SGMS1: variants seen among roughly 807,000 people sequenced by gnomAD.
SGMS1 encodes the protein phosphatidylcholine:ceramide cholinephosphotransferase 1.
In SGMS1, 13 loss-of-function variants were observed where a neutral mutation model predicts 46.2. That is an observed-to-expected ratio of 0.28 (90% CI 0.18 to 0.45). The LOEUF is 0.45. SGMS1 is among the 20% of genes least tolerant of loss of function. The pLI is 1.00. For synonymous variants in SGMS1, 203 were observed against 187.8 expected (o/e 1.08, Z -0.66); for missense variants, 324 against 519.9 (o/e 0.62, Z 3.66).
At chr10:50,319,827 C>T (rs1847411154) in intron 8 of SGMS1, among the ~76,000 whole-genome samples, 1 of 152,180 alleles carries the variant, frequency 6.6e-6, no homozygotes, top group African/African-American at 2.4e-5. Context: ...CCACTAAATA[C>T]ATACCTTTGC....
intron 2 of SGMS1, among the ~76,000 whole-genome samples, chr10:50,546,995 T>TCCATCC (rs977357695): frequency 1.3e-5 from 2 of 152,172 alleles, no homozygotes; most frequent in African/African-American, 4.8e-5. Flanking sequence ...AAATGCTGTT[T>TCCATCC]CCATCCCAAA....
chr10:50,570,244 T>C (rs1838325681), intron 2 of SGMS1, among the ~76,000 whole-genome samples: 1 of 152,156 alleles, frequency 6.6e-6, no homozygotes, highest in African/African-American at 2.4e-5. Flanking sequence ...AACGTCTTGG[T>C]CTCTCAATAC....
intron 8 of SGMS1, among the ~76,000 whole-genome samples, chr10:50,316,964 G>T (rs900965209): frequency 6.6e-6 from 1 of 152,154 alleles, no homozygotes; most frequent in Non-Finnish European, 1.5e-5. Context: ...GAACTAGTGA[G>T]CTTTTGGCTA....
chr10:50,623,856 G>A lies in SGMS1; in HGVS notation c.-833C>T. The A allele has an allele frequency of 1.0e-6, 1 of 985,834 alleles. No individual in the cohort carries two copies. The highest frequency in any genetic ancestry group is 1.7e-5 in the African/African-American group (1 of 57,312). The allele number at this position is 985,834 out of a possible 1,614,324, so 61.1% of individuals were successfully genotyped here. On this transcript the variant is annotated 5_prime_UTR_variant, in exon 1 of 11. Coordinates refer to ENST00000361781, the MANE Select transcript of SGMS1 (RefSeq NM_147156.4). ...CGCGAGGGGAGAGCAGTCAGCCCAGGCCGGTCCTTCTCACTCCCGACCTGC... is the reference window on the plus strand; with the variant it reads ...CGCGAGGGGAGAGCAGTCAGCCCAGACCGGTCCTTCTCACTCCCGACCTGC...
At chr10:50,499,227 A>G (rs1837640941) in intron 3 of SGMS1, among the ~76,000 whole-genome samples, 1 of 152,208 alleles carries the variant, frequency 6.6e-6, no homozygotes, top group Non-Finnish European at 1.5e-5. Context: ...TGAAACAGCT[A>G]CTTCTGAAGC....
intron 4 of SGMS1, among the ~76,000 whole-genome samples, 196 bp from the exon 5 acceptor site, chr10:50,461,010 ATTG>A (rs1194559882): frequency 6.6e-6 from 1 of 152,078 alleles, no homozygotes; most frequent in Non-Finnish European, 1.5e-5. Context: ...TAGCTTTTTA[ATTG>A]TTGTATTTTT....
Position 50,390,611 on chromosome 10 carries a change from C to T in SGMS1, c.-232+42865G>A, listed in dbSNP as rs371685123. Among the ~76,000 whole-genome samples, 3 of 151,914 alleles carry T rather than the reference C, an allele frequency of 2.0e-5. No homozygotes were observed. The East Asian group carries it at 5.8e-4, about 29-fold the overall frequency. On this transcript the variant is annotated intron_variant, in intron 6 of 10. Transcript: ENST00000361781. ...TGTGATCGTGCCACTGCACTCCTGC[C>T]TAGGTAATGGAACAAGACCCTGCCT...
chr10:50,504,446 C>T (rs1564419452), intron 3 of SGMS1, among the ~76,000 whole-genome samples: 2 of 152,154 alleles, frequency 1.3e-5, no homozygotes, highest in Admixed American at 6.5e-5. Context: ...TAAATGGTAA[C>T]AATAAATGAA....
At position 50,365,711 on chromosome 10, in the gene SGMS1, G is replaced by T. The variant is rs532900880; in HGVS notation, c.-231-21366C>A. ...TGGTTTTCTGTTCCTGTGTTAGTTT[G>T]CTGAGGACGATTACTTCCAGCTTCA... On this transcript the variant is annotated intron_variant, in intron 6 of 10. Coordinates refer to ENST00000361781, the MANE Select transcript of SGMS1 (RefSeq NM_147156.4). 9.2e-5 allele frequency among the ~76,000 whole-genome samples: 14 copies of T among 152,214 alleles called. No individual in the cohort carries two copies. In the East Asian group the frequency reaches 2.7e-3, roughly 29 times the overall value.
chr10:50,356,434 G>A (rs913768937), intron 6 of SGMS1, among the ~76,000 whole-genome samples: 5 of 152,110 alleles, frequency 3.3e-5, no homozygotes, highest in Middle Eastern at 3.4e-3. Flanking sequence ...GGCGGAAGGC[G>A]GCAGGGCCCT....
intron 2 of SGMS1, among the ~76,000 whole-genome samples, chr10:50,526,789 G>C (rs903886422): frequency 6.6e-6 from 1 of 151,982 alleles, no homozygotes. Context: ...CTGGCTGGCC[G>C]GGCACGGTGG....
intron 1 of SGMS1, among the ~76,000 whole-genome samples, chr10:50,607,614 T>C (rs1355515458): frequency 6.6e-6 from 1 of 152,208 alleles, no homozygotes; most frequent in African/African-American, 2.4e-5. Context: ...CATTTTTCTC[T>C]CAACTGGTTG....
chr10:50,413,753 A>G (rs1849131827), intron 6 of SGMS1, among the ~76,000 whole-genome samples: 1 of 152,244 alleles, frequency 6.6e-6, no homozygotes, highest in Non-Finnish European at 1.5e-5. Flanking sequence ...ACCCAAGATC[A>G]TAACAACTGG....
intron 6 of SGMS1, among the ~76,000 whole-genome samples, chr10:50,360,290 A>G (rs539850192): frequency 6.6e-6 from 1 of 152,222 alleles, no homozygotes; most frequent in African/African-American, 2.4e-5. Context: ...CCAGTCTCAG[A>G]TATTTCCCAT....
chr10:50,566,105 G>T (rs184939535), intron 2 of SGMS1, among the ~76,000 whole-genome samples: 5 of 152,332 alleles, frequency 3.3e-5, no homozygotes, highest in Admixed American at 3.3e-4. Context: ...GTTCTCATTT[G>T]CAACCAAGAA....
intron 3 of SGMS1, among the ~76,000 whole-genome samples, chr10:50,508,632 A>C (rs1039441217): frequency 2.6e-5 from 4 of 152,150 alleles, no homozygotes; most frequent in Admixed American, 1.3e-4. Flanking sequence ...TGTTTGACTC[A>C]CTGTGGCAGG....
intron 6 of SGMS1, among the ~76,000 whole-genome samples, chr10:50,413,693 C>CT (rs1211058375): frequency 6.6e-6 from 1 of 152,190 alleles, no homozygotes; most frequent in Non-Finnish European, 1.5e-5. Context: ...CAAATTTTCC[C>CT]TGGGGGTTTA....
At chr10:50,591,906 A>T (rs1045194987) in intron 1 of SGMS1, among the ~76,000 whole-genome samples, 8 of 152,248 alleles carry the variant, frequency 5.3e-5, no homozygotes, top group African/African-American at 1.9e-4. Context: ...GAGAGTTAGC[A>T]GTATCAATGA....
intron 1 of SGMS1, among the ~76,000 whole-genome samples, chr10:50,593,666 G>A (rs1362984381): frequency 6.6e-6 from 1 of 152,008 alleles, no homozygotes; most frequent in African/African-American, 2.4e-5. Flanking sequence ...CTATCAATAT[G>A]TTGTTGTGAT....
Sources: gnomAD v4.1 joint callset for allele counts (sites outside exome capture counted in the v4.1 genomes callset) on GRCh38, gnomAD v4.1.1 for gene constraint, MANE v1.5 for transcripts, NCBI Gene and HGNC (gene_info 2026-07-23, HGNC 2026-07-21) for gene names.